NT5C1B: variants seen among roughly 807,000 people sequenced by gnomAD.
NT5C1B encodes the protein cytosolic 5'-nucleotidase 1B.
In NT5C1B, 44 loss-of-function variants were observed where a neutral mutation model predicts 57.8. The observed-to-expected ratio is 0.76, with a 90% CI of 0.60 to 0.98. The LOEUF (loss-of-function observed/expected upper bound fraction) is 0.98, where lower values mean the gene tolerates loss of function less well. Ranked by LOEUF, NT5C1B falls within the 50% of genes least tolerant of loss-of-function variation. NT5C1B has a pLI of 0.00. For synonymous variants in NT5C1B, 284 were observed against 282.6 expected (o/e 1.00, Z -0.05); for missense variants, 742 against 719.5 (o/e 1.03, Z -0.36).
rs115531869 is a variant in NT5C1B, at chr2:18,582,651, C to T, written c.1021+217G>A. ...TTAAGACTTTGAAATTCACACTTGA[C>T]AAGTTAAGTCCAGAGCTTTGAGCCC... On this transcript the variant is annotated intron_variant, in intron 6 of 8. Transcript: ENST00000304081. Among the ~76,000 whole-genome samples the T allele has an allele frequency of 3.5e-3, 534 of 152,262 alleles. 3 individuals are homozygous for T. Among genetic ancestry groups the T allele is most frequent in the African/African-American group, 0.012 (508 of 41,558 alleles).
intron 6 of NT5C1B, among the ~76,000 whole-genome samples, chr2:18,581,237 T>C (rs934913706): frequency 1.3e-5 from 2 of 152,212 alleles, no homozygotes; most frequent in African/African-American, 4.8e-5. Flanking sequence ...ATATGCAATA[T>C]GTATCAAGAG....
In NT5C1B at chr2:18,584,230, A is replaced by G. The variant is rs1459254712; in HGVS notation, c.749T>C (p.Ile250Thr). 1.9e-6 allele frequency: 3 copies of G among 1,613,900 alleles called. No individual in the cohort carries two copies. The highest frequency in any genetic ancestry group is 1.3e-5 in the African/African-American group (1 of 74,878). Residue 250 changes from isoleucine to threonine, a missense_variant, in exon 5 of 9, where the codon ATT becomes ACT. Coordinates refer to ENST00000304081, the Ensembl canonical transcript of NT5C1B. This position sits in a 1 kb window ranked among gnomAD's most constrained non-coding sequence, Gnocchi z 5.8. ...GAAGAGCGCGCAGGATGAGAGAGCA[A>G]TGGTGATGGCGTTCTTGGGTTTGGG...
chr2:18,586,080 C>A (rs1666680454), intron 3 of NT5C1B, among the ~76,000 whole-genome samples, 174 bp downstream of exon 3: 1 of 152,176 alleles, frequency 6.6e-6, no homozygotes, highest in Admixed American at 6.5e-5. Context: ...CTCTGTACTT[C>A]AGGTTTCTCA....
At chr2:18,576,919 T>C (rs756050470) in intron 6 of NT5C1B, 24 bp from the exon 7 acceptor site, 15 of 1,612,532 alleles carry the variant, frequency 9.3e-6, no homozygotes, top group African/African-American at 2.7e-5. Context: ...AGAAAGACTT[T>C]GTTATGACAG....
chr2:18,566,100 G>A (rs955443318), intron 8 of NT5C1B, among the ~76,000 whole-genome samples: 1 of 152,088 alleles, frequency 6.6e-6, no homozygotes, highest in African/African-American at 2.4e-5. Flanking sequence ...TCTGTATTAT[G>A]TCAACTTTTT....
intron 6 of NT5C1B, among the ~76,000 whole-genome samples, chr2:18,580,351 C>T (rs569542809): frequency 3.3e-5 from 5 of 152,290 alleles, no homozygotes; most frequent in South Asian, 2.1e-4. Flanking sequence ...TGGTGGCTCA[C>T]GCCTGTAATC....
chr2:18,587,723 G>T, intron 1 of NT5C1B, 131 bp from the exon 2 acceptor site: 10 of 965,118 alleles, frequency 1.0e-5, no homozygotes, highest in Non-Finnish European at 1.5e-5. Flanking sequence ...ATAAACTCTA[G>T]ACCTTAGTTT....
intron 6 of NT5C1B, among the ~76,000 whole-genome samples, chr2:18,582,501 T>C (rs1403740304): frequency 6.6e-6 from 1 of 152,232 alleles, no homozygotes; most frequent in Admixed American, 6.5e-5. Flanking sequence ...TTTAAACCTT[T>C]AACACAAATC....
At chr2:18,582,971 G>A in exon 6 of NT5C1B, 2 of 1,613,896 alleles carry the variant, frequency 1.2e-6, no homozygotes, top group Non-Finnish European at 1.7e-6. Context: ...ATAGATCACG[G>A]AGTCTAGCAT....
At chr2:18,572,496 G>A (rs1232290342) in intron 8 of NT5C1B, among the ~76,000 whole-genome samples, 2 of 152,188 alleles carry the variant, frequency 1.3e-5, no homozygotes. Flanking sequence ...ACTGAAAGAT[G>A]TTAGAATGAA....
At chr2:18,569,534 A>T (rs1476738425) in intron 8 of NT5C1B, among the ~76,000 whole-genome samples, 1 of 152,176 alleles carries the variant, frequency 6.6e-6, no homozygotes, top group Non-Finnish European at 1.5e-5. Context: ...ATAAAGACAT[A>T]GATAAAAGTA....
chr2:18,568,334 A>C (rs973545438), intron 8 of NT5C1B, among the ~76,000 whole-genome samples: 1 of 152,190 alleles, frequency 6.6e-6, no homozygotes, highest in Non-Finnish European at 1.5e-5. Flanking sequence ...AGTAAAAATA[A>C]AATATTGTTT....
intron 6 of NT5C1B, among the ~76,000 whole-genome samples, chr2:18,577,447 G>A (rs970583312): frequency 1.6e-5 from 2 of 121,312 alleles, no homozygotes; most frequent in African/African-American, 3.8e-5. Context: ...AAAAAAAAAG[G>A]CTCTATCTCA....
chr2:18,566,532 C>T (rs1664657003), intron 8 of NT5C1B, among the ~76,000 whole-genome samples: 1 of 152,170 alleles, frequency 6.6e-6, no homozygotes, highest in Non-Finnish European at 1.5e-5. Flanking sequence ...AGGAACCACC[C>T]TCATTGCAGT....
chr2:18,577,108 G>T (rs572081179), intron 6 of NT5C1B, among the ~76,000 whole-genome samples: 1 of 152,136 alleles, frequency 6.6e-6, no homozygotes, highest in South Asian at 2.1e-4. Flanking sequence ...ATGTAATAGT[G>T]GTTGTATTTG....
intron 1 of NT5C1B, among the ~76,000 whole-genome samples, chr2:18,588,716 A>C (rs1666944378): frequency 6.6e-6 from 1 of 152,076 alleles, no homozygotes; most frequent in African/African-American, 2.4e-5. Flanking sequence ...CATGGCCTTA[A>C]ATCCTCTCCA....
chr2:18,578,920 A>G (rs916291450), intron 6 of NT5C1B, among the ~76,000 whole-genome samples: 1 of 152,196 alleles, frequency 6.6e-6, no homozygotes, highest in African/African-American at 2.4e-5. Flanking sequence ...CAAAGTTCCT[A>G]GCTCTGATAA....
In NT5C1B at chr2:18,564,826, C is replaced by T. The variant is rs538560044; in HGVS notation, c.1330-707G>A. On this transcript the variant is annotated intron_variant, in intron 8 of 8. Transcript: ENST00000304081. ...GGATTGTTCAATAATCTGTGTCTTTCTTCTTTGTAGTTGTGTGTGGGTGGT... is the reference window on the plus strand; with the variant it reads ...GGATTGTTCAATAATCTGTGTCTTTTTTCTTTGTAGTTGTGTGTGGGTGGT... Among the ~76,000 whole-genome samples the T allele has an allele frequency of 1.7e-3, 253 of 152,068 alleles. 2 individuals are homozygous for T. The highest frequency in any genetic ancestry group is 6.0e-3 in the African/African-American group (249 of 41,474).
At chr2:18,586,797 G>A (rs1666750635) in intron 2 of NT5C1B, 2 of 909,750 alleles carry the variant, frequency 2.2e-6, no homozygotes, top group South Asian at 1.8e-5. Context: ...GGCAACTGGT[G>A]CCCCACTGAG....
Sources: gnomAD v4.1 joint callset for allele counts (sites outside exome capture counted in the v4.1 genomes callset) on GRCh38, gnomAD v4.1.1 for gene constraint, Gnocchi (gnomAD v3.1) non-coding constraint, MANE v1.5 for transcripts, NCBI Gene and HGNC (gene_info 2026-07-23, HGNC 2026-07-21) for gene names.